CYFIP2: variants seen among roughly 807,000 people sequenced by gnomAD.
CYFIP2 encodes cytoplasmic FMR1-interacting protein 2.
CYFIP2 carries 29 observed loss-of-function variants against 158.7 expected under a neutral mutation model. The observed-to-expected ratio is 0.18, with a 90% CI of 0.14 to 0.25. The LOEUF (loss-of-function observed/expected upper bound fraction) is 0.25. CYFIP2 is among the 10% of genes least tolerant of loss of function. CYFIP2 has a pLI of 1.00. For missense variants in CYFIP2, 852 were observed against 1,639.5 expected (o/e 0.52, Z 8.29); for synonymous variants, 585 against 617.6 (o/e 0.95, Z 0.78).
chr5:157,282,053 T>A (rs1757029798), intron 1 of CYFIP2, among the ~76,000 whole-genome samples: 1 of 152,186 alleles, frequency 6.6e-6, no homozygotes, highest in South Asian at 2.1e-4. Context: ...CCATAGTTTA[T>A]CCAGACAGTC....
chr5:157,313,683 G>A (rs1382242826), intron 11 of CYFIP2, among the ~76,000 whole-genome samples: 3 of 152,110 alleles, frequency 2.0e-5, no homozygotes, highest in Non-Finnish European at 4.4e-5. Context: ...TACAGAATCC[G>A]CCAATAATGA....
intron 1 of CYFIP2, among the ~76,000 whole-genome samples, chr5:157,274,942 TA>T (rs199584731): frequency 3.9e-5 from 6 of 152,186 alleles, no homozygotes; most frequent in African/African-American, 1.2e-4. Flanking sequence ...TATTTTTATT[TA>T]AAAAAATTTT....
intron 5 of CYFIP2, among the ~76,000 whole-genome samples, 166 bp downstream of exon 5, chr5:157,296,940 C>T (rs923722739): frequency 6.6e-6 from 1 of 152,224 alleles, no homozygotes; most frequent in Non-Finnish European, 1.5e-5. Flanking sequence ...TCTCCCCACC[C>T]TCGTGGAATT....
At chr5:157,371,689 T>C (rs1320248376) in intron 26 of CYFIP2, among the ~76,000 whole-genome samples, 1 of 152,220 alleles carries the variant, frequency 6.6e-6, no homozygotes, top group Non-Finnish European at 1.5e-5. Context: ...GTTTTAAAAC[T>C]AGTGGTCCAT....
intron 7 of CYFIP2, 183 bp downstream of exon 7, chr5:157,303,073 G>T: frequency 1.8e-6 from 1 of 553,752 alleles, no homozygotes; most frequent in Non-Finnish European, 3.2e-6. Flanking sequence ...CCAGGTGGCC[G>T]ATTCACCCTC....
chr5:157,357,925 C>G (rs1207871045), intron 23 of CYFIP2, among the ~76,000 whole-genome samples: 1 of 152,090 alleles, frequency 6.6e-6, no homozygotes, highest in Admixed American at 6.5e-5. Flanking sequence ...CAAAATACAC[C>G]ATGATAGGTG....
chr5:157,297,241 T>C (rs73302176), intron 5 of CYFIP2, among the ~76,000 whole-genome samples: 3,125 of 152,276 alleles, frequency 0.021, 119 homozygotes, highest in African/African-American at 0.072. Flanking sequence ...GGAAGGAGCT[T>C]GCTGTGTTTA....
intron 23 of CYFIP2, chr5:157,342,045 T>A (rs754690994): frequency 6.6e-6 from 1 of 152,658 alleles, no homozygotes; most frequent in Non-Finnish European, 1.5e-5. Flanking sequence ...TGCTAATATG[T>A]CTTTATTACC....
chr5:157,305,992 C>T (rs1445888262), intron 8 of CYFIP2, among the ~76,000 whole-genome samples: 2 of 152,310 alleles, frequency 1.3e-5, no homozygotes, highest in Non-Finnish European at 2.9e-5. Context: ...GCCATTATTC[C>T]ATTGTTAGCT....
At chr5:157,318,888 C>T (rs1157628994) in intron 13 of CYFIP2, among the ~76,000 whole-genome samples, 1 of 152,206 alleles carries the variant, frequency 6.6e-6, no homozygotes, top group Non-Finnish European at 1.5e-5. Context: ...GAGTCAAAGG[C>T]TCAGACTTAC....
At chr5:157,342,304 TTAATAA>T (rs1298227990) in intron 23 of CYFIP2, 11 of 152,690 alleles carry the variant, frequency 7.2e-5, no homozygotes, top group African/African-American at 2.7e-4. Flanking sequence ...GAAAGTATTA[TTAATAA>T]TAGTGAAGAT....
intron 3 of CYFIP2, among the ~76,000 whole-genome samples, chr5:157,289,502 G>A (rs182821446): frequency 3.9e-5 from 6 of 152,256 alleles, no homozygotes; most frequent in Admixed American, 1.3e-4. Context: ...CTGTAGGTTC[G>A]GTTTTTCCTC....
At chr5:157,364,182 C>G (rs994256678) in intron 26 of CYFIP2, 6 of 14,360 alleles carry the variant, frequency 4.2e-4, no homozygotes, top group Non-Finnish European at 6.0e-4. Flanking sequence ...GGCACCAGAA[C>G]AGTGGAGGTG....
chr5:157,332,666 C>T (rs1409885478), intron 20 of CYFIP2, among the ~76,000 whole-genome samples: 1 of 152,188 alleles, frequency 6.6e-6, no homozygotes, highest in Non-Finnish European at 1.5e-5. Context: ...TTTTAAGAGA[C>T]AGGGTCTCTT....
At chr5:157,378,590 G>T (rs2113486602) in intron 26 of CYFIP2, among the ~76,000 whole-genome samples, 1 of 152,314 alleles carries the variant, frequency 6.6e-6, no homozygotes, top group Non-Finnish European at 1.5e-5. Context: ...TGTCGAAGTG[G>T]AGTGGCTCCT....
chr5:157,326,103 C>A, intron 17 of CYFIP2, 68 bp from the exon 18 acceptor site: 1 of 1,161,120 alleles, frequency 8.6e-7, no homozygotes, highest in Non-Finnish European at 1.3e-6. Context: ...ATTTCCCAAG[C>A]AAGTATAAAG....
At chr5:157,331,711 C>T (rs550435507) in intron 20 of CYFIP2, among the ~76,000 whole-genome samples, 3 of 152,206 alleles carry the variant, frequency 2.0e-5, no homozygotes, top group East Asian at 3.9e-4. Flanking sequence ...TTACTGCTAT[C>T]GGTTACAATG....
intron 1 of CYFIP2, among the ~76,000 whole-genome samples, chr5:157,280,694 G>A (rs1756928811): frequency 6.6e-6 from 1 of 151,878 alleles, no homozygotes; most frequent in African/African-American, 2.4e-5. Context: ...CTATGTATGT[G>A]TCACACACAA....
chr5:157,284,125 T>C (rs905996142), intron 1 of CYFIP2, among the ~76,000 whole-genome samples: 1 of 152,180 alleles, frequency 6.6e-6, no homozygotes, highest in African/African-American at 2.4e-5. Context: ...TTTATTTTGC[T>C]TTGCTTTTTG....
Sources: allele counts gnomAD v4.1 joint callset (sites outside exome capture counted in the v4.1 genomes callset), GRCh38; gene constraint gnomAD v4.1.1; transcripts MANE v1.5; gene names NCBI Gene and HGNC (gene_info 2026-07-23, HGNC 2026-07-21).